Variants in CDC73 observed in about 807,000 individuals in gnomAD.
CDC73 encodes parafibromin.
In CDC73, 21 loss-of-function variants were observed where a neutral mutation model predicts 83.7. The ratio of observed to expected loss-of-function variants is 0.25; its 90% CI spans 0.18 to 0.36. The LOEUF is 0.36. CDC73 is among the 10% of genes least tolerant of loss of function. CDC73 has a pLI of 1.00. For synonymous variants in CDC73, 224 were observed against 212.9 expected, an observed-to-expected ratio of 1.05 and a Z score of -0.45; for missense variants, 342 against 653.3, an observed-to-expected ratio of 0.52 and a Z score of 5.19.
intron 13 of CDC73, among the ~76,000 whole-genome samples, chr1:193,217,128 T>A (rs1314018715): frequency 6.6e-6 from 1 of 152,084 alleles, no homozygotes; most frequent in Admixed American, 6.5e-5. Context: ...GGGGTGTGGC[T>A]TGCTTCTTCA....
At position 193,140,783 on chromosome 1, in the gene CDC73, C is replaced by T. The variant is rs748495587; in HGVS notation, c.513-1067C>T. Reference sequence around the variant, plus strand: ...AGCACGGCACATAATTTAAAACTTACGAATTATTTATTTCTGGAATTTTCC... The same window carrying T: ...AGCACGGCACATAATTTAAAACTTATGAATTATTTATTTCTGGAATTTTCC... On this transcript the variant is annotated intron_variant, in intron 6 of 16. Transcript: ENST00000367435. 5.5e-4 allele frequency among the ~76,000 whole-genome samples: 83 copies of T among 152,100 alleles called. 2 individuals carry two copies. The highest frequency in any genetic ancestry group is 2.6e-4 in the Admixed American group (4 of 15,268).
Position 193,250,882 on chromosome 1 carries a change from A to G in CDC73, c.*170A>G. On this transcript the variant is annotated 3_prime_UTR_variant, in exon 17 of 17. Coordinates refer to ENST00000367435, the MANE Select transcript of CDC73 (RefSeq NM_024529.5). ...ATATAAGCAAACTTTTTGGCTTACA[A>G]CTATTTTTTTAATATTAGCCTTCTA... is the stretch of plus-strand genomic sequence containing the variant. 1.6e-6 allele frequency: 1 copy of G among 633,752 alleles called. No homozygotes were observed. The allele number at this position is 633,752 out of a possible 1,614,324, so 39.3% of individuals were successfully genotyped here. A position where few individuals can be genotyped will look rare whatever the true frequency, so the allele number is the denominator to read the frequency against.
intron 13 of CDC73, among the ~76,000 whole-genome samples, chr1:193,231,090 T>G (rs1677655251): frequency 6.6e-6 from 1 of 152,188 alleles, no homozygotes; most frequent in Non-Finnish European, 1.5e-5. Flanking sequence ...TATAATAGAC[T>G]TTTTATTAGT....
At chr1:193,232,687 G>A (rs1447458151) in intron 13 of CDC73, among the ~76,000 whole-genome samples, 1 of 152,136 alleles carries the variant, frequency 6.6e-6, no homozygotes, top group Non-Finnish European at 1.5e-5. Flanking sequence ...TGGATCACAA[G>A]GTCAGCAGTT....
chr1:193,175,533 G>A (rs1224906098), intron 10 of CDC73, among the ~76,000 whole-genome samples: 1 of 152,078 alleles, frequency 6.6e-6, no homozygotes, highest in African/African-American at 2.4e-5. Context: ...ACTGCCGATC[G>A]AAAATATTAA....
intron 8 of CDC73, 78 bp from the exon 9 acceptor site, chr1:193,150,226 A>G: frequency 2.0e-6 from 2 of 1,019,572 alleles, no homozygotes; most frequent in South Asian, 2.6e-5. Context: ...AGCCATGGTC[A>G]TGCTACTGCA....
At chr1:193,245,156 T>C (rs1195246982) in intron 15 of CDC73, among the ~76,000 whole-genome samples, 4 of 152,182 alleles carry the variant, frequency 2.6e-5, no homozygotes, top group Admixed American at 6.5e-5. Context: ...GAATAGTCAG[T>C]TTCCTCCTTC....
At chr1:193,223,986 T>G (rs182570613) in intron 13 of CDC73, among the ~76,000 whole-genome samples, 178 of 152,104 alleles carry the variant, frequency 1.2e-3, no homozygotes, top group Non-Finnish European at 2.2e-3. Flanking sequence ...CCTTAAACAT[T>G]TATCTTTATG....
intron 9 of CDC73, among the ~76,000 whole-genome samples, chr1:193,151,584 C>T (rs1002531155): frequency 6.6e-6 from 1 of 152,198 alleles, no homozygotes; most frequent in Non-Finnish European, 1.5e-5. Flanking sequence ...TATTGGGATT[C>T]TGTCCTGGCA....
Position 193,209,128 on chromosome 1 carries a change from T to G in CDC73, c.1031-2937T>G, listed in dbSNP as rs1012655508. 4.6e-5 allele frequency among the ~76,000 whole-genome samples: 7 copies of G among 152,360 alleles called. No individual in the cohort carries two copies. In the East Asian group the frequency reaches 1.3e-3, roughly 29 times the overall value. On this transcript the variant is annotated intron_variant, in intron 11 of 16. Coordinates refer to ENST00000367435, the MANE Select transcript of CDC73 (RefSeq NM_024529.5). ...GTTTTATTTGCAATTTAATAATAAC[T>G]TAGCAGTGATGCTTGTACATAGGCT...
chr1:193,176,589 C>G (rs1443638469), intron 10 of CDC73, among the ~76,000 whole-genome samples: 2 of 152,218 alleles, frequency 1.3e-5, no homozygotes, highest in South Asian at 4.2e-4. Context: ...ACATCATCTG[C>G]CTTCTGGGAT....
chr1:193,138,741 A>G (rs1675847764), intron 6 of CDC73, among the ~76,000 whole-genome samples: 2 of 135,150 alleles, frequency 1.5e-5, no homozygotes, highest in African/African-American at 5.5e-5. Flanking sequence ...TTTTTGAATT[A>G]TTTTTGGATA....
At position 193,203,019 on chromosome 1, in the gene CDC73, C is replaced by A. The variant is rs556988250; in HGVS notation, c.973-776C>A. 3.9e-5 allele frequency among the ~76,000 whole-genome samples: 6 copies of A among 151,990 alleles called. No homozygotes were observed. In the South Asian group the frequency reaches 1.2e-3, roughly 31 times the overall value. ...CACTAGTGTAAAGTCTTTATGAATT[C>A]ATAGTTATGAAATTTACACTTGCAA... On this transcript the variant is annotated intron_variant, in intron 10 of 16. Transcript: ENST00000367435.
intron 10 of CDC73, among the ~76,000 whole-genome samples, chr1:193,169,406 G>A (rs536843377): frequency 2.4e-4 from 36 of 152,240 alleles, no homozygotes; most frequent in East Asian, 1.5e-3. Flanking sequence ...TTAGCTGGGC[G>A]TGGTGGCACA....
intron 6 of CDC73, among the ~76,000 whole-genome samples, chr1:193,140,702 G>A (rs983405168): frequency 3.3e-5 from 5 of 152,158 alleles, no homozygotes; most frequent in African/African-American, 7.2e-5. Context: ...ATTCGTGTCC[G>A]GATATCCCAG....
At chr1:193,160,824 T>C (rs1268874988) in intron 10 of CDC73, among the ~76,000 whole-genome samples, 5 of 152,114 alleles carry the variant, frequency 3.3e-5, no homozygotes, top group Non-Finnish European at 5.9e-5. Flanking sequence ...CTAGTATATT[T>C]AATAACATGC....
At chr1:193,159,462 C>T (rs978093814) in intron 10 of CDC73, among the ~76,000 whole-genome samples, 1 of 152,168 alleles carries the variant, frequency 6.6e-6, no homozygotes, top group Non-Finnish European at 1.5e-5. Flanking sequence ...CATCCGTCTC[C>T]TGGGTTCAGG....
intron 13 of CDC73, among the ~76,000 whole-genome samples, chr1:193,219,746 G>A (rs991153591): frequency 1.3e-5 from 2 of 152,122 alleles, no homozygotes; most frequent in Non-Finnish European, 2.9e-5. Context: ...TGGAAGCTGG[G>A]AAGAGGGAGA....
rs554768894 is a variant in CDC73 at position 193,250,409 on chromosome 1, T to A, written c.1560-267T>A. Among the ~76,000 whole-genome samples, 15 of 152,042 alleles carry A rather than the reference T, an allele frequency of 9.9e-5. No homozygotes were observed. In the South Asian group the frequency reaches 2.7e-3, roughly 27 times the overall value. On this transcript the variant is annotated intron_variant, in intron 16 of 16. Transcript: ENST00000367435. The stretch of plus-strand genomic sequence containing the variant: ...ATCGGTTCTCTTTGAGGTATGCTCC[T>A]TAAAATCTGTAACATTTTTGGTGCA...
Sources: allele counts gnomAD v4.1 joint callset (sites outside exome capture counted in the v4.1 genomes callset), GRCh38; gene constraint gnomAD v4.1.1; transcripts MANE v1.5; gene names NCBI Gene and HGNC (gene_info 2026-07-23, HGNC 2026-07-21).